IQCM: variants seen among roughly 807,000 people sequenced by gnomAD.
IQCM encodes IQ motif containing M, also known as IQ domain-containing protein M.
Under a neutral mutation model 57.6 loss-of-function variants are expected in IQCM, and 45 were observed. That is an observed-to-expected ratio of 0.78 (90% confidence interval 0.62 to 1.00). The LOEUF (loss-of-function observed/expected upper bound fraction) is 1.00, where lower values mean the gene tolerates loss of function less well. Ranked by LOEUF, IQCM falls within the 50% of genes least tolerant of loss-of-function variation. IQCM has a pLI of 0.00. For synonymous variants in IQCM, 148 were observed against 158.9 expected, an observed-to-expected ratio of 0.93 and a Z score of 0.51; for missense variants, 468 against 511.6, an observed-to-expected ratio of 0.91 and a Z score of 0.82.
chr4:149,745,211 G>A (rs1767814044), intron 2 of IQCM, among the ~76,000 whole-genome samples: 1 of 152,148 alleles, frequency 6.6e-6, no homozygotes, highest in South Asian at 2.1e-4. Context: ...TAGTCTGGGG[G>A]ACATCAAGTT....
At chr4:149,387,211 C>T (rs1731488763) in intron 13 of IQCM, among the ~76,000 whole-genome samples, 2 of 151,958 alleles carry the variant, frequency 1.3e-5, no homozygotes, top group South Asian at 4.2e-4. Context: ...TAGCTGAGTC[C>T]TCACATGATG....
intron 2 of IQCM, among the ~76,000 whole-genome samples, chr4:149,755,449 G>T (rs1294233222): frequency 6.6e-5 from 10 of 151,998 alleles, no homozygotes; most frequent in African/African-American, 2.4e-4. Context: ...GACCAGGATT[G>T]CCCCCACCTG....
At chr4:149,387,560 T>C (rs1731510638) in intron 13 of IQCM, among the ~76,000 whole-genome samples, 1 of 152,054 alleles carries the variant, frequency 6.6e-6, no homozygotes. Context: ...CAAGAAAAAC[T>C]TTCTTTTATC....
intron 2 of IQCM, among the ~76,000 whole-genome samples, chr4:149,755,447 T>C (rs1223418832): frequency 1.3e-5 from 2 of 152,128 alleles, no homozygotes; most frequent in Non-Finnish European, 2.9e-5. Flanking sequence ...CAGACCAGGA[T>C]TGCCCCCACC....
intron 9 of IQCM, among the ~76,000 whole-genome samples, chr4:149,575,484 A>G (rs1177773154): frequency 6.6e-6 from 1 of 151,836 alleles, no homozygotes; most frequent in Non-Finnish European, 1.5e-5. Context: ...AGTGGAAGAT[A>G]ATGTCACTTT....
chr4:149,589,256 C>A (rs1752908158), intron 8 of IQCM, among the ~76,000 whole-genome samples: 1 of 151,962 alleles, frequency 6.6e-6, no homozygotes. Context: ...GTGTTGTTGT[C>A]TCCCTCAGGC....
chr4:149,546,701 T>C (rs1004760300), intron 12 of IQCM, among the ~76,000 whole-genome samples: 21 of 152,340 alleles, frequency 1.4e-4, no homozygotes, highest in African/African-American at 4.8e-4. Flanking sequence ...TTGGAGTTCT[T>C]TGTAGATTCT....
intron 12 of IQCM, among the ~76,000 whole-genome samples, chr4:149,474,520 C>A (rs1413845150): frequency 2.1e-5 from 3 of 146,134 alleles, no homozygotes; most frequent in East Asian, 2.1e-4. Flanking sequence ...CAAGTCTGGC[C>A]AACATGGTGA....
intron 2 of IQCM, among the ~76,000 whole-genome samples, chr4:149,781,434 T>G (rs1487056689): frequency 6.6e-6 from 1 of 152,166 alleles, no homozygotes; most frequent in Non-Finnish European, 1.5e-5. Context: ...TACCCACCCT[T>G]AGTCATTTAA....
At chr4:149,518,232 G>A (rs573660800) in intron 12 of IQCM, among the ~76,000 whole-genome samples, 31 of 152,252 alleles carry the variant, frequency 2.0e-4, no homozygotes, top group Admixed American at 7.8e-4. Flanking sequence ...CTACCATGAA[G>A]GGAGTAGGAG....
intron 8 of IQCM, among the ~76,000 whole-genome samples, chr4:149,595,803 C>T (rs1240608174): frequency 6.6e-6 from 1 of 152,146 alleles, no homozygotes; most frequent in African/African-American, 2.4e-5. Flanking sequence ...TATAACCACC[C>T]ATGGGAGTTA....
At chr4:149,479,157 G>A (rs1441358607) in intron 12 of IQCM, among the ~76,000 whole-genome samples, 3 of 152,174 alleles carry the variant, frequency 2.0e-5, no homozygotes, top group Admixed American at 1.3e-4. Context: ...GGATAGCACA[G>A]TAATTCATAT....
At chr4:149,565,994 G>T (rs576619766) in intron 9 of IQCM, among the ~76,000 whole-genome samples, 2 of 152,100 alleles carry the variant, frequency 1.3e-5, no homozygotes, top group South Asian at 2.1e-4. Flanking sequence ...AAACAAAGCT[G>T]CCAGAAGAGC....
chr4:149,803,615 A>AT (rs1339328137), intron 2 of IQCM, among the ~76,000 whole-genome samples: 3 of 151,836 alleles, frequency 2.0e-5, no homozygotes, highest in African/African-American at 4.8e-5. Context: ...AGAATGCCTC[A>AT]TTTTTTTTAA....
chr4:149,444,503 T>C (rs1327560024), intron 12 of IQCM, among the ~76,000 whole-genome samples: 1 of 151,888 alleles, frequency 6.6e-6, no homozygotes, highest in Non-Finnish European at 1.5e-5. Flanking sequence ...AGAGCAAGAT[T>C]AATTGCTTGA....
At chr4:149,409,986 C>T (rs974614583) in intron 13 of IQCM, among the ~76,000 whole-genome samples, 5 of 152,130 alleles carry the variant, frequency 3.3e-5, no homozygotes, top group Admixed American at 1.3e-4. Context: ...GAGTTCAAGA[C>T]CAGTCTAGCC....
chr4:149,560,099 G>C (rs1004428373), intron 10 of IQCM, among the ~76,000 whole-genome samples: 1 of 152,224 alleles, frequency 6.6e-6, no homozygotes, highest in Non-Finnish European at 1.5e-5. Flanking sequence ...GTTGGGGATT[G>C]CTGCTATACA....
intron 12 of IQCM, among the ~76,000 whole-genome samples, chr4:149,439,505 A>C (rs1735694665): frequency 6.6e-6 from 1 of 152,096 alleles, no homozygotes; most frequent in Non-Finnish European, 1.5e-5. Flanking sequence ...TAACTCCAAT[A>C]GAATTATAAG....
intron 12 of IQCM, among the ~76,000 whole-genome samples, chr4:149,524,168 A>G (rs1277445367): frequency 2.0e-5 from 3 of 152,172 alleles, no homozygotes; most frequent in Non-Finnish European, 4.4e-5. Flanking sequence ...AAAAGAGCAG[A>G]TGCTGTATGA....
Sources: allele counts gnomAD v4.1 joint callset (sites outside exome capture counted in the v4.1 genomes callset), GRCh38; gene constraint gnomAD v4.1.1; transcripts MANE v1.5; gene names NCBI Gene and HGNC (gene_info 2026-07-23, HGNC 2026-07-21).